Variants in PTPN7 observed in about 807,000 individuals in gnomAD.
PTPN7 encodes the protein protein tyrosine phosphatase non-receptor type 7, also known as tyrosine-protein phosphatase non-receptor type 7.
PTPN7 carries 33 observed loss-of-function variants against 50.3 expected under a neutral mutation model. The observed-to-expected ratio is 0.66, with a 90% confidence interval of 0.50 to 0.88. The LOEUF is 0.88. Ranked by LOEUF, PTPN7 falls within the 40% of genes least tolerant of loss-of-function variation. The probability of loss-of-function intolerance (pLI) is 0.00; values close to 1 mark genes in which losing one functional copy is unlikely to be tolerated. For synonymous variants in PTPN7, 185 were observed against 186.6 expected (o/e 0.99, Z 0.07); for missense variants, 412 against 475.4 (o/e 0.87, Z 1.24).
Position 202,153,780 on chromosome 1 carries a change from C to A in PTPN7, c.662G>T (p.Arg221Leu). 1 of 1,614,056 alleles carries A rather than the reference C, an allele frequency of 6.2e-7. No homozygotes were observed. The highest frequency in any genetic ancestry group is 8.5e-7 in the Non-Finnish European group (1 of 1,179,962). The change falls in exon 7 of 10, where the codon CGC (arginine) becomes CTC (leucine). Residue 221 changes from arginine to leucine, a missense_variant. Physicochemically the swap from Arg to Leu is moderately radical, Grantham distance 102. Coordinates refer to ENST00000691036, the MANE Select transcript of PTPN7 (RefSeq NM_002832.4). ...EEETYGPFQI[R>L]IQDMKECPEY... ...TGGGCACTCTTTCATGTCCTGGATG[C>A]GGATCTGGAAGGGTCCATAGGTTTC... is the stretch of plus-strand genomic sequence containing the variant.
At chr1:202,153,206 G>C (rs1656244574) in intron 7 of PTPN7, among the ~76,000 whole-genome samples, 1 of 151,930 alleles carries the variant, frequency 6.6e-6, no homozygotes. Context: ...CCGTCACCCA[G>C]GCTGGAGTGC....
At chr1:202,148,846 AC>A in intron 9 of PTPN7, 147 bp from the exon 10 acceptor site, 5 of 208,364 alleles carry the variant, frequency 2.4e-5, no homozygotes, top group Non-Finnish European at 3.1e-5. Flanking sequence ...TCATCTTTTC[AC>A]TTTTTTTTTT....
rs190805904 is a variant in PTPN7 at position 202,155,051 on chromosome 1, G to A, written c.468+482C>T. On this transcript the variant is annotated intron_variant, in intron 5 of 9. Coordinates refer to ENST00000691036, the MANE Select transcript of PTPN7 (RefSeq NM_002832.4). ...ACATCTCCTTAGGGCCCACAGCAGC[G>A]AGAAGCTGGCGTGGAACACCCACCT... Among the ~76,000 whole-genome samples the A allele has an allele frequency of 3.7e-4, 56 of 152,308 alleles. No individual in the cohort carries two copies. In the East Asian group the frequency reaches 9.3e-3, roughly 25 times the overall value.
rs1468709361 is a variant in PTPN7, at chr1:202,160,311, G to C, written c.-53+234C>G. On this transcript the variant is annotated intron_variant, in intron 1 of 9. Transcript: ENST00000691036. The surrounding 1 kb of genome is among the most constrained non-coding windows in gnomAD (Gnocchi z 4.8). ...GCACAGGTGTGAGTGGTAGAGCGAG[G>C]GTCTCTGGTAGCAGAAAAGGTCCCT... Among the ~76,000 whole-genome samples, 1 of 152,022 alleles carries C rather than the reference G, an allele frequency of 6.6e-6. No homozygotes were observed. The highest frequency in any genetic ancestry group is 1.5e-5 in the Non-Finnish European group (1 of 67,980).
intron 9 of PTPN7, among the ~76,000 whole-genome samples, chr1:202,149,602 G>A (rs1226871709): frequency 6.6e-6 from 1 of 151,624 alleles, no homozygotes; most frequent in East Asian, 1.9e-4. Flanking sequence ...AGACTAGTCT[G>A]GGCAACATAG....
chr1:202,150,487 C>T, intron 8 of PTPN7, 63 bp from the exon 9 acceptor site: 1 of 1,327,396 alleles, frequency 7.5e-7, no homozygotes, highest in Non-Finnish European at 1.1e-6. Context: ...AGAGCCAGGC[C>T]CCAAACTATG....
rs1302020401 is a variant in PTPN7 at position 202,154,300 on chromosome 1, G to C, written c.492C>G (p.Val164=). The C allele has an allele frequency of 1.2e-6, 2 of 1,613,856 alleles. No individual in the cohort carries two copies. The highest frequency in any genetic ancestry group is 3.3e-5 in the Admixed American group (2 of 60,002). ...GCATGGGGCCCTGGGTGGCAATGTA[G>C]ACCTTCTCCTTCCCGTCATAGCCCT... ...YIRGYDGKEK[V]YIATQGPMPN... is the part of the protein sequence containing the mutation. Residue 164 remains valine (V), a synonymous_variant, in exon 6 of 10, where the codon GTC becomes GTG. Transcript: ENST00000691036.
At chr1:202,150,190 A>G (rs999544142) in intron 9 of PTPN7, 121 bp downstream of exon 9, 4 of 769,290 alleles carry the variant, frequency 5.2e-6, no homozygotes, top group Non-Finnish European at 6.6e-6. Flanking sequence ...TCTAAGCAGA[A>G]AGGGTTTCTT....
intron 5 of PTPN7, among the ~76,000 whole-genome samples, chr1:202,155,092 A>G (rs987654772): frequency 6.6e-6 from 1 of 152,156 alleles, no homozygotes; most frequent in Non-Finnish European, 1.5e-5. Context: ...GGAGCTTCCT[A>G]TAGCTTGACG....
chr1:202,149,761 T>C (rs1256705733), intron 9 of PTPN7: 1 of 152,296 alleles, frequency 6.6e-6, no homozygotes, highest in Non-Finnish European at 1.5e-5. Flanking sequence ...GCACTACTTG[T>C]TGCTGCCTCA....
At position 202,157,738 on chromosome 1, in the gene PTPN7, C is replaced by G; in HGVS notation, c.391+1G>C. ...CCCTTCATCCCAGCAGCAGTTCTTA[C>G]TTGGCAAGATGGTCTTGTATCGGTC... On this transcript the variant is annotated splice_donor_variant, in intron 4 of 9. Coordinates refer to ENST00000691036, the MANE Select transcript of PTPN7 (RefSeq NM_002832.4). LOFTEE classifies it high-confidence loss of function. The G allele has an allele frequency of 6.2e-7, 1 of 1,612,428 alleles. No individual in the cohort carries two copies. The highest frequency in any genetic ancestry group is 8.5e-7 in the Non-Finnish European group (1 of 1,178,446).
rs1255196830 is a variant in PTPN7, at chr1:202,147,576, C to G, written c.*1030G>C. 2 of 152,154 alleles carry G rather than the reference C, an allele frequency of 1.3e-5. No homozygotes were observed. Among genetic ancestry groups the G allele is most frequent in the Non-Finnish European group, 2.9e-5 (2 of 68,052 alleles). The allele number at this position is 152,154 out of a possible 1,614,324, so 9.4% of individuals were successfully genotyped here. ...AGTCCTGAGGTAGACCTGAGGTCCC[C>G]TGGAAATTGTGTTGATGCTGAGATG... On this transcript the variant is annotated 3_prime_UTR_variant, in exon 10 of 10. Coordinates refer to ENST00000691036, the MANE Select transcript of PTPN7 (RefSeq NM_002832.4).
rs1656163465 is a variant in PTPN7, at chr1:202,152,682, C to T, written c.735G>A (p.Arg245=). The T allele has an allele frequency of 6.2e-7, 1 of 1,614,004 alleles. No homozygotes were observed. The highest frequency in any genetic ancestry group is 8.5e-7 in the Non-Finnish European group (1 of 1,179,994). ...CCGAAAAGAGGATGTGCTTTACTGA[C>T]CGGCGCTCTTCCTGGTACTGGATTG... ...QLTIQYQEER[R]SVKHILFSAW... Residue 245 remains arginine (R), a synonymous_variant, in exon 8 of 10, where the codon CGG becomes CGA. Transcript: ENST00000691036.
At chr1:202,153,910 T>C in intron 6 of PTPN7, 75 bp from the exon 7 acceptor site, 1 of 1,257,166 alleles carries the variant, frequency 8.0e-7, no homozygotes, top group Non-Finnish European at 1.2e-6. Context: ...GGGGCTGGTA[T>C]CTCCTCCCCA....
At chr1:202,153,643 C>G in intron 7 of PTPN7, 82 bp downstream of exon 7, 1 of 1,138,028 alleles carries the variant, frequency 8.8e-7, no homozygotes, top group Non-Finnish European at 1.3e-6. Flanking sequence ...ACCCTTGGCT[C>G]CTAGTGAAGA....
At chr1:202,161,176 G>A (rs549544852), upstream of PTPN7, 10 of 1,134,106 alleles carry the variant, frequency 8.8e-6, no homozygotes, top group African/African-American at 7.9e-5. Context: ...CTCACAATGT[G>A]AAGGAAAGGG....
At position 202,153,772 on chromosome 1, in the gene PTPN7, C is replaced by T. The variant is rs200690695; in HGVS notation, c.670G>A (p.Asp224Asn). ...TYGPFQIRIQDMKECPEYTVR... is the reference protein window; with the variant it reads ...TYGPFQIRIQNMKECPEYTVR... ...GTGTATTCTGGGCACTCTTTCATGT[C>T]CTGGATGCGGATCTGGAAGGGTCCA... Residue 224 changes from aspartate to asparagine, a missense_variant, in exon 7 of 10, where the codon GAC (aspartate) becomes AAC (asparagine). Physicochemically the swap from Asp to Asn is conservative, Grantham distance 23. Coordinates refer to ENST00000691036, the MANE Select transcript of PTPN7 (RefSeq NM_002832.4). 1.2e-6 allele frequency: 2 copies of T among 1,614,086 alleles called. No individual in the cohort carries two copies. Among genetic ancestry groups the T allele is most frequent in the African/African-American group, 2.7e-5 (2 of 75,014 alleles).
rs993221225 is a variant in PTPN7 at position 202,160,137 on chromosome 1, G to A, written c.-53+408C>T. 6.5e-5 allele frequency: 19 copies of A among 292,874 alleles called. No individual in the cohort carries two copies. The highest frequency in any genetic ancestry group is 4.0e-4 in the African/African-American group (18 of 44,542). 18.1% of individuals were successfully genotyped at this position (292,874 alleles called of 1,614,324 possible). On this transcript the variant is annotated intron_variant, in intron 1 of 9. Transcript: ENST00000691036. The surrounding 1 kb of genome is among the most constrained non-coding windows in gnomAD (Gnocchi z 4.8). The stretch of plus-strand genomic sequence containing the variant: ...CAGCGCATGGTGAGGCGACAGCTGG[G>A]GGCAAGACAGGAGGCATGGAGGTGG...
upstream of PTPN7, chr1:202,161,311 C>T (rs2147859644): frequency 8.5e-7 from 1 of 1,171,002 alleles, no homozygotes; most frequent in African/African-American, 1.6e-5. Context: ...GGGAGGGAGT[C>T]CGAGGGGCTT....
Sources: gnomAD v4.1 joint callset for allele counts (sites outside exome capture counted in the v4.1 genomes callset) on GRCh38, gnomAD v4.1.1 for gene constraint, Gnocchi (gnomAD v3.1) non-coding constraint, MANE v1.5 for transcripts, NCBI Gene and HGNC (gene_info 2026-07-23, HGNC 2026-07-21) for gene names.